Variants in BRI3BP observed in about 807,000 individuals in gnomAD.
BRI3BP encodes BRI3 binding protein.
A neutral mutation model predicts 15.8 loss-of-function variants in BRI3BP; 7 were observed. The observed-to-expected ratio is 0.44, with a 90% CI of 0.25 to 0.83. The LOEUF is 0.83. BRI3BP is among the 40% of genes least tolerant of loss of function. BRI3BP has a pLI of 0.20. For synonymous variants in BRI3BP, 192 were observed against 163.5 expected (o/e 1.17, Z -1.33); for missense variants, 320 against 339.3 (o/e 0.94, Z 0.45).
At chr12:124,998,068 G>T (rs1415500972) in intron 1 of BRI3BP, among the ~76,000 whole-genome samples, 1 of 151,336 alleles carries the variant, frequency 6.6e-6, no homozygotes, top group Non-Finnish European at 1.5e-5. Flanking sequence ...CCGTTGCAGT[G>T]AGCCAAGATT....
downstream of BRI3BP, among the ~76,000 whole-genome samples, chr12:125,035,011 A>G (rs544587113): frequency 8.5e-5 from 13 of 152,282 alleles, 1 homozygote; most frequent in South Asian, 2.3e-3. Flanking sequence ...TGTTGCCCTT[A>G]TCAATAGTTC....
chr12:124,994,835 C>G (rs992791101), intron 1 of BRI3BP, among the ~76,000 whole-genome samples: 1 of 152,202 alleles, frequency 6.6e-6, no homozygotes, highest in Non-Finnish European at 1.5e-5. Context: ...TGCCGCCAGC[C>G]TTCCTGGGGT....
chr12:125,023,720 T>A (rs762750029), intron 2 of BRI3BP, among the ~76,000 whole-genome samples: 3 of 152,262 alleles, frequency 2.0e-5, no homozygotes, highest in East Asian at 1.9e-4. Context: ...CTAATTTTTT[T>A]AAAATTTGTG....
intron 1 of BRI3BP, among the ~76,000 whole-genome samples, chr12:125,005,341 G>A (rs1409796604): frequency 6.6e-6 from 1 of 152,058 alleles, no homozygotes; most frequent in Non-Finnish European, 1.5e-5. Flanking sequence ...GCTTTTTCTT[G>A]GATGCCATCT....
At chr12:125,018,849 C>CTGTTTT (rs923518718) in intron 2 of BRI3BP, among the ~76,000 whole-genome samples, 3 of 151,554 alleles carry the variant, frequency 2.0e-5, no homozygotes, top group East Asian at 3.9e-4. Flanking sequence ...CTGGCTAATT[C>CTGTTTT]TGTTTTTGTT....
At chr12:125,013,549 G>A (rs1955214920) in intron 2 of BRI3BP, among the ~76,000 whole-genome samples, 1 of 152,222 alleles carries the variant, frequency 6.6e-6, no homozygotes, top group South Asian at 2.1e-4. Flanking sequence ...TGGGGGAACT[G>A]CCAGGTGGAA....
intron 2 of BRI3BP, among the ~76,000 whole-genome samples, chr12:125,019,149 C>T (rs1303312961): frequency 1.3e-5 from 2 of 152,112 alleles, no homozygotes; most frequent in South Asian, 2.1e-4. Flanking sequence ...TGAGCCACTG[C>T]GCCCGGCCTT....
chr12:124,996,086 G>A (rs186030947), intron 1 of BRI3BP, among the ~76,000 whole-genome samples: 13 of 152,102 alleles, frequency 8.5e-5, no homozygotes, highest in Non-Finnish European at 1.5e-4. Context: ...GCTAAGTTTT[G>A]TATTTTTAGT....
chr12:125,047,249 C>T, the BRI3BP span, among the ~76,000 whole-genome samples: 4 of 151,006 alleles, frequency 2.6e-5, no homozygotes, highest in Non-Finnish European at 4.4e-5. Flanking sequence ...CCCAGGTTCA[C>T]GCCATTCTCC....
chr12:125,033,348 C>T (rs1158944411), downstream of BRI3BP, among the ~76,000 whole-genome samples: 5 of 152,064 alleles, frequency 3.3e-5, no homozygotes, highest in African/African-American at 4.8e-5. Flanking sequence ...GCCGAGATGG[C>T]GCCCCTGCAC....
chr12:125,021,848 C>T (rs1294414012), intron 2 of BRI3BP, among the ~76,000 whole-genome samples: 1 of 152,082 alleles, frequency 6.6e-6, no homozygotes, highest in African/African-American at 2.4e-5. Context: ...TCCCTGGACA[C>T]GTGGGGATTA....
Position 125,030,578 on chromosome 12 carries a change from G to A in BRI3BP, c.*5148G>A, listed in dbSNP as rs188120654. The A allele has an allele frequency of 2.6e-5, 4 of 152,296 alleles. No individual in the cohort carries two copies. Among genetic ancestry groups the A allele is most frequent in the African/African-American group, 4.8e-5 (2 of 41,560 alleles). The allele number at this position is 152,296 out of a possible 1,614,324, so 9.4% of individuals were successfully genotyped here. A position where few individuals can be genotyped will look rare whatever the true frequency, so the allele number is the denominator to read the frequency against. The stretch of plus-strand genomic sequence containing the variant: ...TTTTTCTCTTGTGGTGGCTTAAAAC[G>A]CTGATTGCCATTTGCATTGTCTACT... On this transcript the variant is annotated 3_prime_UTR_variant, in exon 3 of 3. Transcript: ENST00000341446.
chr12:124,994,389 C>A (rs1018333620), intron 1 of BRI3BP, among the ~76,000 whole-genome samples: 1 of 152,204 alleles, frequency 6.6e-6, no homozygotes, highest in African/African-American at 2.4e-5. Flanking sequence ...CGCGGCTGCG[C>A]CCTCCCCAGC....
At chr12:125,001,260 G>A (rs933768099) in intron 1 of BRI3BP, among the ~76,000 whole-genome samples, 2 of 152,050 alleles carry the variant, frequency 1.3e-5, no homozygotes, top group East Asian at 3.8e-4. Flanking sequence ...GTTTCACCGT[G>A]TTAGCCAGGA....
chr12:124,997,214 C>CTTTTTTTTTTTTTTTTCTTTTTTTTTTT (rs1955048390), intron 1 of BRI3BP, among the ~76,000 whole-genome samples: 1 of 51,550 alleles, frequency 1.9e-5, no homozygotes, highest in African/African-American at 1.0e-4. Context: ...CTTTACTTCT[C>CTTTTTTTTTTTTTTTTCTTTTTTTTTTT]TTTTTTTTTT....
At chr12:125,010,668 C>T (rs113860834) in intron 1 of BRI3BP, among the ~76,000 whole-genome samples, 21,028 of 152,002 alleles carry the variant, frequency 0.14, 1,556 homozygotes, top group Admixed American at 0.16. Flanking sequence ...CGCAGCTACT[C>T]GAGAGGCTGA....
At chr12:125,009,784 C>T (rs1306892432) in intron 1 of BRI3BP, among the ~76,000 whole-genome samples, 4 of 151,932 alleles carry the variant, frequency 2.6e-5, no homozygotes, top group African/African-American at 2.4e-5. Context: ...CACAGGACAT[C>T]GTGGAGTCAA....
intron 1 of BRI3BP, among the ~76,000 whole-genome samples, chr12:125,007,802 G>T (rs1049791406): frequency 1.1e-4 from 17 of 151,944 alleles, no homozygotes; most frequent in Admixed American, 9.8e-4. Context: ...GATGTTGCTG[G>T]ATATGTCCAT....
chr12:124,994,013 G>A lies in BRI3BP; in HGVS notation c.213+10G>A. On this transcript the variant is annotated intron_variant, in intron 1 of 2. Transcript: ENST00000341446. ...GCGCGCCGCTCAGAAGGTGGGCGCC[G>A]GGCCCGCGCCCGCGGTCACCTTGCC... 1 of 1,324,220 alleles carries A rather than the reference G, an allele frequency of 7.6e-7. No individual in the cohort carries two copies. The allele number at this position is 1,324,220 out of a possible 1,614,324, so 82.0% of individuals were successfully genotyped here. A position where few individuals can be genotyped will look rare whatever the true frequency, so the allele number is the denominator to read the frequency against.
Sources: gnomAD v4.1 joint callset for allele counts (sites outside exome capture counted in the v4.1 genomes callset) on GRCh38, gnomAD v4.1.1 for gene constraint, MANE v1.5 for transcripts, NCBI Gene and HGNC (gene_info 2026-07-23, HGNC 2026-07-21) for gene names.